Variants in GFRA1 observed in about 807,000 individuals in gnomAD.
The protein encoded by GFRA1 is GDNF family receptor alpha-1.
Under a neutral mutation model 51.6 loss-of-function variants are expected in GFRA1, and 16 were observed. The ratio of observed to expected loss-of-function variants is 0.31; its 90% CI spans 0.21 to 0.47. The LOEUF is 0.47. Ranked by LOEUF, GFRA1 falls within the 20% of genes least tolerant of loss-of-function variation. GFRA1 has a pLI of 1.00. For synonymous variants in GFRA1, 270 were observed against 241.3 expected (o/e 1.12, Z -1.10); for missense variants, 530 against 594.3 (o/e 0.89, Z 1.13).
chr10:116,087,731 C>T (rs1454376987), intron 9 of GFRA1, among the ~76,000 whole-genome samples: 3 of 152,144 alleles, frequency 2.0e-5, no homozygotes, highest in Non-Finnish European at 4.4e-5. Flanking sequence ...GCCCAAGAAG[C>T]TTGGAAGGCT....
chr10:116,080,787 G>A (rs1955816561), intron 9 of GFRA1, among the ~76,000 whole-genome samples: 1 of 152,176 alleles, frequency 6.6e-6, no homozygotes, highest in African/African-American at 2.4e-5. Context: ...GCCACAGTAG[G>A]TCAGCCTGAC....
Position 116,211,621 on chromosome 10 carries a change from G to C in GFRA1, c.433+10C>G. The C allele has an allele frequency of 1.3e-6, 2 of 1,550,592 alleles. No homozygotes were observed. Among genetic ancestry groups the C allele is most frequent in the Non-Finnish European group, 1.7e-6 (2 of 1,146,066 alleles). On this transcript the variant is annotated intron_variant, in intron 5 of 10. Coordinates refer to ENST00000355422, the MANE Select transcript of GFRA1 (RefSeq NM_005264.8). Reference sequence around the variant, plus strand: ...CCAGTGAAAAAGCAGGCAGGAAACAGTGAACTTACCTTGCTGAAAAACATC... The same window carrying C: ...CCAGTGAAAAAGCAGGCAGGAAACACTGAACTTACCTTGCTGAAAAACATC...
rs1023323436 is a variant in GFRA1, at chr10:116,269,381, A to G, written c.418+122T>C. On this transcript the variant is annotated intron_variant, in intron 4 of 10. Transcript: ENST00000355422. ...CTTCATTATCATCATCCTATTTCTA[A>G]TTTCCCAGAAACACTGTGCCATTCA... 1.4e-5 allele frequency: 10 copies of G among 726,638 alleles called. No homozygotes were observed. The Admixed American group carries it at 1.7e-4, about 13-fold the overall frequency. 45.0% of individuals were successfully genotyped at this position (726,638 alleles called of 1,614,324 possible).
intron 6 of GFRA1, among the ~76,000 whole-genome samples, chr10:116,105,058 T>C (rs562020225): frequency 1.2e-4 from 18 of 152,346 alleles, no homozygotes; most frequent in African/African-American, 4.3e-4. Flanking sequence ...TACTATGCTA[T>C]GTCCATTCAC....
chr10:116,236,000 A>C (rs1275571461), intron 4 of GFRA1, among the ~76,000 whole-genome samples: 1 of 152,160 alleles, frequency 6.6e-6, no homozygotes, highest in Non-Finnish European at 1.5e-5. Context: ...CAGCCTGCAC[A>C]GACTAAGACA....
intron 8 of GFRA1, among the ~76,000 whole-genome samples, chr10:116,091,180 G>A (rs1414764257): frequency 3.3e-5 from 5 of 152,156 alleles, no homozygotes; most frequent in African/African-American, 9.7e-5. Context: ...TGTTTGCCTT[G>A]CCACATCAGC....
rs1338426880 is a variant in GFRA1, at chr10:116,065,638, C to T, written c.1198-12G>A. The T allele has an allele frequency of 6.2e-7, 1 of 1,609,654 alleles. No homozygotes were observed. The highest frequency in any genetic ancestry group is 1.3e-5 in the African/African-American group (1 of 74,666). On this transcript the variant is annotated splice_polypyrimidine_tract_variant and intron_variant, in intron 9 of 10. Coordinates refer to ENST00000355422, the MANE Select transcript of GFRA1 (RefSeq NM_005264.8). ...TTCAGCTTCTGTGCCTGGAGAGGGA[C>T]AAGAAAAAAAATGCTCAAACATAAT...
intron 9 of GFRA1, among the ~76,000 whole-genome samples, chr10:116,088,306 G>A (rs1956180830): frequency 6.6e-6 from 1 of 152,132 alleles, no homozygotes; most frequent in South Asian, 2.1e-4. Context: ...GGGGCTGGGG[G>A]GCCTCGATGT....
intron 5 of GFRA1, among the ~76,000 whole-genome samples, chr10:116,152,480 G>A (rs187444098): frequency 6.6e-6 from 1 of 152,268 alleles, no homozygotes; most frequent in African/African-American, 2.4e-5. Flanking sequence ...GGGGCAAGAG[G>A]CCCAGCAGAG....
chr10:116,065,672 G>A, intron 9 of GFRA1, 46 bp from the exon 10 acceptor site: 1 of 1,466,102 alleles, frequency 6.8e-7, no homozygotes, highest in Non-Finnish European at 9.5e-7. Context: ...ATACAGAAGA[G>A]TAATTACTGA....
intron 5 of GFRA1, among the ~76,000 whole-genome samples, chr10:116,180,872 C>A (rs116254618): frequency 6.6e-6 from 1 of 152,150 alleles, no homozygotes; most frequent in Non-Finnish European, 1.5e-5. Flanking sequence ...TAGAAAGCAA[C>A]CTTTTCCTGA....
intron 5 of GFRA1, among the ~76,000 whole-genome samples, chr10:116,199,147 G>T (rs1263464264): frequency 1.3e-5 from 2 of 152,136 alleles, no homozygotes; most frequent in Admixed American, 6.5e-5. Context: ...CCAATCTCCA[G>T]GACAGTGAGG....
At chr10:116,113,260 G>C (rs1378771818) in intron 6 of GFRA1, among the ~76,000 whole-genome samples, 1 of 150,608 alleles carries the variant, frequency 6.6e-6, no homozygotes, top group Non-Finnish European at 1.5e-5. Flanking sequence ...GTAATGAGCT[G>C]CTCGATGTTA....
chr10:116,234,869 G>A (rs750204777), intron 4 of GFRA1, among the ~76,000 whole-genome samples: 1 of 152,116 alleles, frequency 6.6e-6, no homozygotes, highest in Non-Finnish European at 1.5e-5. Flanking sequence ...GGGTGGGGGG[G>A]TTCCCTCATG....
At chr10:116,201,753 C>A (rs1964351250) in intron 5 of GFRA1, among the ~76,000 whole-genome samples, 1 of 152,262 alleles carries the variant, frequency 6.6e-6, no homozygotes, top group South Asian at 2.1e-4. Context: ...CCTGACCATG[C>A]CTTGTACAAA....
In GFRA1 at chr10:116,059,750, A is replaced by G. The variant is rs1954713077; in HGVS notation, c.*4648T>C. 1 of 152,180 alleles carries G rather than the reference A, an allele frequency of 6.6e-6. No individual in the cohort carries two copies. Among genetic ancestry groups the G allele is most frequent in the Admixed American group, 6.5e-5 (1 of 15,276 alleles). 9.4% of individuals were successfully genotyped at this position (152,180 alleles called of 1,614,324 possible). On this transcript the variant is annotated 3_prime_UTR_variant, in exon 11 of 11. Coordinates refer to ENST00000355422, the MANE Select transcript of GFRA1 (RefSeq NM_005264.8). ...CAGAGACACTGGGAGCAACAAAGGG[A>G]TTCCTGGCAAGGATGAGACCATCCC... is the stretch of plus-strand genomic sequence containing the variant.
At chr10:116,149,431 G>A (rs922476699) in intron 5 of GFRA1, among the ~76,000 whole-genome samples, 11 of 152,184 alleles carry the variant, frequency 7.2e-5, no homozygotes, top group Non-Finnish European at 1.5e-4. Context: ...TAATAAGCTA[G>A]GGATCAAAGG....
At chr10:116,079,078 GC>G (rs1955738791) in intron 9 of GFRA1, among the ~76,000 whole-genome samples, 1 of 151,988 alleles carries the variant, frequency 6.6e-6, no homozygotes, top group Non-Finnish European at 1.5e-5. Context: ...CATCCAGCGC[GC>G]TGGATGCGTA....
intron 5 of GFRA1, among the ~76,000 whole-genome samples, chr10:116,204,282 G>A (rs1206635471): frequency 1.3e-5 from 2 of 152,208 alleles, no homozygotes; most frequent in African/African-American, 2.4e-5. Flanking sequence ...ACATCAAGAG[G>A]AGCTCATGCT....
Sources: gnomAD v4.1 joint callset for allele counts (sites outside exome capture counted in the v4.1 genomes callset) on GRCh38, gnomAD v4.1.1 for gene constraint, MANE v1.5 for transcripts, NCBI Gene and HGNC (gene_info 2026-07-23, HGNC 2026-07-21) for gene names.